Variants in CACNA2D3 observed in about 807,000 individuals in gnomAD.
CACNA2D3 encodes the protein voltage-dependent calcium channel subunit alpha-2/delta-3.
Under a neutral mutation model 160.6 loss-of-function variants are expected in CACNA2D3, and 60 were observed. The observed-to-expected ratio is 0.37, with a 90% CI of 0.30 to 0.46. The LOEUF (loss-of-function observed/expected upper bound fraction) is 0.46. Among genes scored for constraint, CACNA2D3 ranks in the 20% least tolerant of loss-of-function variants. The probability of loss-of-function intolerance (pLI) is 1.00; values close to 1 mark genes in which losing one functional copy is unlikely to be tolerated. For missense variants in CACNA2D3, 1,205 were observed against 1,365.0 expected (o/e 0.88, Z 1.85); for synonymous variants, 558 against 492.9 (o/e 1.13, Z -1.75).
intron 35 of CACNA2D3, among the ~76,000 whole-genome samples, chr3:55,031,687 ATGT>A (rs1185216792): frequency 1.3e-5 from 2 of 152,218 alleles, no homozygotes; most frequent in East Asian, 3.9e-4. Flanking sequence ...TAATTTCCGT[ATGT>A]TGTTCGTGCC....
intron 27 of CACNA2D3, among the ~76,000 whole-genome samples, chr3:54,947,178 A>G (rs1162833456): frequency 3.3e-5 from 5 of 152,206 alleles, no homozygotes; most frequent in Non-Finnish European, 5.9e-5. Flanking sequence ...GACTGAGCAG[A>G]GGCGGGTTAA....
intron 14 of CACNA2D3, among the ~76,000 whole-genome samples, chr3:54,822,842 T>A (rs1436138296): frequency 6.9e-6 from 1 of 145,146 alleles, no homozygotes; most frequent in African/African-American, 2.7e-5. Context: ...TTTTCTTTCT[T>A]TCTTTCTTTC....
chr3:54,495,313 A>G, intron 4 of CACNA2D3, among the ~76,000 whole-genome samples: 1 of 152,340 alleles, frequency 6.6e-6, no homozygotes. Flanking sequence ...TAATAATTCA[A>G]AAAGAATTGA....
intron 13 of CACNA2D3, among the ~76,000 whole-genome samples, chr3:54,800,126 A>G (rs1309006557): frequency 6.6e-6 from 1 of 152,232 alleles, no homozygotes; most frequent in Non-Finnish European, 1.5e-5. Flanking sequence ...GTTCAGGAGA[A>G]GGTCTGAGTG....
chr3:54,238,136 C>T (rs1701916650), intron 2 of CACNA2D3, among the ~76,000 whole-genome samples: 1 of 152,120 alleles, frequency 6.6e-6, no homozygotes, highest in African/African-American at 2.4e-5. Context: ...TTTCTATGTC[C>T]CCACATTGTC....
intron 2 of CACNA2D3, among the ~76,000 whole-genome samples, chr3:54,174,688 C>T (rs950164778): frequency 3.3e-5 from 5 of 152,146 alleles, no homozygotes; most frequent in Non-Finnish European, 7.3e-5. Flanking sequence ...CCACGCCTGG[C>T]TAATTTTTAG....
intron 35 of CACNA2D3, among the ~76,000 whole-genome samples, chr3:55,042,513 T>C (rs1485144366): frequency 1.3e-5 from 2 of 152,192 alleles, no homozygotes; most frequent in Non-Finnish European, 2.9e-5. Flanking sequence ...ACCATCTTTT[T>C]ACCTTCCACT....
At chr3:54,357,419 TC>T (rs1698668631) in intron 3 of CACNA2D3, among the ~76,000 whole-genome samples, 1 of 152,214 alleles carries the variant, frequency 6.6e-6, no homozygotes, top group Non-Finnish European at 1.5e-5. Context: ...GTGCTCGACA[TC>T]AATTGCTGGT....
chr3:54,341,486 C>T (rs1007417834), intron 3 of CACNA2D3, among the ~76,000 whole-genome samples: 1 of 152,210 alleles, frequency 6.6e-6, no homozygotes, highest in Non-Finnish European at 1.5e-5. Flanking sequence ...AGCACTCCAG[C>T]GTTTCCTCTG....
intron 2 of CACNA2D3, among the ~76,000 whole-genome samples, chr3:54,302,544 C>A (rs1280450260): frequency 1.3e-5 from 2 of 152,284 alleles, no homozygotes; most frequent in African/African-American, 2.4e-5. Context: ...GTCTTCCAGG[C>A]TGTTTGCTGA....
At chr3:54,372,930 A>C (rs1257030820) in intron 3 of CACNA2D3, among the ~76,000 whole-genome samples, 1 of 152,220 alleles carries the variant, frequency 6.6e-6, no homozygotes, top group Non-Finnish European at 1.5e-5. Context: ...AAAAATAACA[A>C]AAGTGAATTT....
chr3:54,298,256 G>C (rs1703384536), intron 2 of CACNA2D3, among the ~76,000 whole-genome samples: 1 of 152,206 alleles, frequency 6.6e-6, no homozygotes, highest in South Asian at 2.1e-4. Context: ...GAGGTACAAA[G>C]CCAGTGGTGG....
chr3:54,674,105 T>C lies in CACNA2D3; in HGVS notation c.1167+31864T>C, dbSNP rs200687741. On this transcript the variant is annotated intron_variant, in intron 11 of 37. Coordinates refer to ENST00000474759, the MANE Select transcript of CACNA2D3 (RefSeq NM_018398.3). ...TTTGCATGGCATTTGTCAGCTGTCATCCCTGAAGGCTGTTGAAACTATTTG... is the reference window on the plus strand; with the variant it reads ...TTTGCATGGCATTTGTCAGCTGTCACCCCTGAAGGCTGTTGAAACTATTTG... Among the ~76,000 whole-genome samples the C allele has an allele frequency of 1.2e-4, 18 of 152,346 alleles. No individual in the cohort carries two copies. The East Asian group carries it at 2.1e-3, about 18-fold the overall frequency.
chr3:54,754,710 T>C (rs1258495743), intron 12 of CACNA2D3, among the ~76,000 whole-genome samples: 4 of 152,208 alleles, frequency 2.6e-5, no homozygotes, highest in African/African-American at 4.8e-5. Flanking sequence ...AGTGGTCTGC[T>C]TTAAATGGGT....
rs181403175 is a variant in CACNA2D3 at position 55,027,729 on chromosome 3, A to T, written c.2987+9412A>T. On this transcript the variant is annotated intron_variant, in intron 35 of 37. Coordinates refer to ENST00000474759, the MANE Select transcript of CACNA2D3 (RefSeq NM_018398.3). ...CTGGAAATTGAGTTTGGTGAAAATT[A>T]TAGTATTTCAGAAATTACGCAGTAA... Among the ~76,000 whole-genome samples the T allele has an allele frequency of 1.1e-4, 16 of 152,312 alleles. 1 individual carries two copies. Among genetic ancestry groups the T allele is most frequent in the Admixed American group, 3.3e-4 (5 of 15,296 alleles).
At chr3:54,780,963 CTG>C (rs1250360389) in intron 13 of CACNA2D3, among the ~76,000 whole-genome samples, 4 of 152,136 alleles carry the variant, frequency 2.6e-5, no homozygotes, top group Non-Finnish European at 5.9e-5. Context: ...TGTAACAAAA[CTG>C]TATTGAAAAA....
chr3:54,272,536 A>G (rs1702641831), intron 2 of CACNA2D3, among the ~76,000 whole-genome samples: 1 of 151,652 alleles, frequency 6.6e-6, no homozygotes, highest in African/African-American at 2.4e-5. Flanking sequence ...GGTTCATTAA[A>G]CCTATTGTGG....
At chr3:54,600,286 A>G (rs1281757157) in intron 9 of CACNA2D3, among the ~76,000 whole-genome samples, 1 of 152,220 alleles carries the variant, frequency 6.6e-6, no homozygotes, top group Non-Finnish European at 1.5e-5. Context: ...ATTCAGGAGC[A>G]GTCTCTTCTC....
At chr3:54,991,060 C>A (rs1313097251) in intron 31 of CACNA2D3, among the ~76,000 whole-genome samples, 2 of 152,080 alleles carry the variant, frequency 1.3e-5, no homozygotes, top group African/African-American at 4.8e-5. Context: ...GCTGCGTTCG[C>A]TGAGCACCCA....
Sources: allele counts gnomAD v4.1 joint callset (sites outside exome capture counted in the v4.1 genomes callset), GRCh38; gene constraint gnomAD v4.1.1; transcripts MANE v1.5; gene names NCBI Gene and HGNC (gene_info 2026-07-23, HGNC 2026-07-21).